MTMR7: variants seen among roughly 807,000 people sequenced by gnomAD.
MTMR7 encodes the protein phosphatidylinositol-3-phosphate phosphatase MTMR7.
Under a neutral mutation model 81.2 loss-of-function variants are expected in MTMR7, and 76 were observed. The ratio of observed to expected loss-of-function variants is 0.94; its 90% confidence interval spans 0.78 to 1.13. The LOEUF is 1.13. MTMR7 is among the 50% of genes most tolerant of loss of function. MTMR7 has a pLI of 0.00. For synonymous variants in MTMR7, 372 were observed against 289.8 expected, an observed-to-expected ratio of 1.28 and a Z score of -2.88; for missense variants, 1,044 against 820.0, an observed-to-expected ratio of 1.27 and a Z score of -3.34.
At chr8:17,332,318 C>T (rs887732808) in intron 6 of MTMR7, among the ~76,000 whole-genome samples, 1 of 152,162 alleles carries the variant, frequency 6.6e-6, no homozygotes. Context: ...TGTTCTTTGA[C>T]ACAGATCTCC....
intron 2 of MTMR7, among the ~76,000 whole-genome samples, chr8:17,372,837 T>C (rs1342595676): frequency 1.3e-5 from 2 of 152,120 alleles, no homozygotes; most frequent in Admixed American, 6.6e-5. Context: ...ACTGACATTA[T>C]TGAATCTCTC....
At chr8:17,317,341 G>A (rs925844770) in intron 7 of MTMR7, among the ~76,000 whole-genome samples, 8 of 152,176 alleles carry the variant, frequency 5.3e-5, no homozygotes, top group Non-Finnish European at 8.8e-5. Context: ...CTTTGTCTTC[G>A]ATGTTTGTAG....
intron 9 of MTMR7, among the ~76,000 whole-genome samples, chr8:17,309,862 T>C (rs1817688322): frequency 1.1e-4 from 16 of 152,184 alleles, no homozygotes; most frequent in Admixed American, 1.0e-3. Flanking sequence ...ATAAGAATTC[T>C]AAAATGATGG....
chr8:17,397,665 G>C (rs780199020), intron 1 of MTMR7, among the ~76,000 whole-genome samples: 1 of 152,190 alleles, frequency 6.6e-6, no homozygotes, highest in Non-Finnish European at 1.5e-5. Flanking sequence ...TGAAGGGAAG[G>C]ACACATGCCT....
chr8:17,412,679 A>T lies in MTMR7; in HGVS notation c.24+590T>A, dbSNP rs140809995. Among the ~76,000 whole-genome samples, 959 of 152,284 alleles carry T rather than the reference A, an allele frequency of 6.3e-3. 13 individuals carry two copies. The highest frequency in any genetic ancestry group is 0.017 in the Middle Eastern group (5 of 294). On this transcript the variant is annotated intron_variant, in intron 1 of 13. Coordinates refer to ENST00000180173, the MANE Select transcript of MTMR7 (RefSeq NM_004686.5). Reference sequence around the variant, plus strand: ...TCCTTTTCTCTAACGAACAAAACGGACTGGAAAAGGCAAGAACACACCATC... The same window carrying T: ...TCCTTTTCTCTAACGAACAAAACGGTCTGGAAAAGGCAAGAACACACCATC...
chr8:17,410,801 T>C (rs1455263684), intron 1 of MTMR7, among the ~76,000 whole-genome samples: 1 of 152,132 alleles, frequency 6.6e-6, no homozygotes, highest in African/African-American at 2.4e-5. Context: ...CTACAGCGAG[T>C]GAATGACTTC....
At chr8:17,310,038 C>G (rs1198123126) in intron 9 of MTMR7, among the ~76,000 whole-genome samples, 2 of 152,090 alleles carry the variant, frequency 1.3e-5, no homozygotes. Context: ...TCTCACTCAG[C>G]CACGTAGGCT....
chr8:17,305,213 G>A (rs749955482), intron 11 of MTMR7, among the ~76,000 whole-genome samples: 40 of 152,130 alleles, frequency 2.6e-4, no homozygotes, highest in Admixed American at 9.2e-4. Context: ...ATACACCATA[G>A]TTAAAACCAT....
intron 6 of MTMR7, among the ~76,000 whole-genome samples, chr8:17,331,631 T>A (rs1196413925): frequency 6.6e-6 from 1 of 152,308 alleles, no homozygotes; most frequent in Non-Finnish European, 1.5e-5. Flanking sequence ...ATACCACACA[T>A]AACCGGTAGG....
At chr8:17,349,382 A>G (rs1819658404) in intron 4 of MTMR7, 2 of 228,588 alleles carry the variant, frequency 8.7e-6, no homozygotes, top group South Asian at 2.2e-4. Context: ...TTCATCAAAA[A>G]GAGACAAACT....
In MTMR7 at chr8:17,305,648, T is replaced by A. The variant is rs1039834807; in HGVS notation, c.1352+109A>T. On this transcript the variant is annotated intron_variant, in intron 11 of 13. Coordinates refer to ENST00000180173, the MANE Select transcript of MTMR7 (RefSeq NM_004686.5). ...AATAAAACTAATCTGTCAGTATAGG[T>A]ATGTGACTAAATGAAAAAAGTCTTC... 5.1e-5 allele frequency: 44 copies of A among 862,018 alleles called. 1 individual carries two copies. Among genetic ancestry groups the A allele is most frequent in the South Asian group, 1.7e-5 (1 of 59,176 alleles). 53.4% of individuals were successfully genotyped at this position (862,018 alleles called of 1,614,324 possible). A position where few individuals can be genotyped will look rare whatever the true frequency, so the allele number is the denominator to read the frequency against.
rs1457774726 is a variant in MTMR7, at chr8:17,388,705, A to G, written c.25-15465T>C. ...GGGCAAGTTGTGCCAAATAGAACTTACTAACCAAAGGGAGGAGAAAGCCCA... is the reference window on the plus strand; with the variant it reads ...GGGCAAGTTGTGCCAAATAGAACTTGCTAACCAAAGGGAGGAGAAAGCCCA... On this transcript the variant is annotated intron_variant, in intron 1 of 13. Transcript: ENST00000180173. Among the ~76,000 whole-genome samples, 3 of 151,388 alleles carry G rather than the reference A, an allele frequency of 2.0e-5. No individual in the cohort carries two copies. The South Asian group carries it at 6.3e-4, about 32-fold the overall frequency.
intron 1 of MTMR7, among the ~76,000 whole-genome samples, chr8:17,405,577 G>A (rs1821554828): frequency 6.6e-6 from 1 of 152,010 alleles, no homozygotes. Context: ...AAATAAATAT[G>A]CCCTCTGCTA....
At chr8:17,401,187 G>C (rs191578295) in intron 1 of MTMR7, among the ~76,000 whole-genome samples, 1 of 152,226 alleles carries the variant, frequency 6.6e-6, no homozygotes, top group Non-Finnish European at 1.5e-5. Context: ...AAAGTATGTT[G>C]GTTGAGGTGA....
At chr8:17,362,434 T>C (rs1820087648) in intron 3 of MTMR7, among the ~76,000 whole-genome samples, 1 of 152,206 alleles carries the variant, frequency 6.6e-6, no homozygotes, top group African/African-American at 2.4e-5. Flanking sequence ...TTGTTCCAGA[T>C]TCTGTCGCAA....
chr8:17,310,068 A>C (rs1192502777), intron 9 of MTMR7, among the ~76,000 whole-genome samples: 2 of 152,248 alleles, frequency 1.3e-5, no homozygotes, highest in East Asian at 1.9e-4. Flanking sequence ...TGATGAGATC[A>C]TGGCTCACTA....
chr8:17,376,458 C>T (rs1486884460), intron 1 of MTMR7, among the ~76,000 whole-genome samples: 2 of 152,152 alleles, frequency 1.3e-5, no homozygotes, highest in Non-Finnish European at 2.9e-5. Flanking sequence ...TACTTAGGAG[C>T]AGAATTGCTG....
chr8:17,317,954 A>G (rs527726848), intron 7 of MTMR7, among the ~76,000 whole-genome samples: 71 of 151,472 alleles, frequency 4.7e-4, no homozygotes, highest in Middle Eastern at 3.4e-3. Flanking sequence ...AGTCAGGAGG[A>G]GGTGGGTAAG....
At chr8:17,314,320 A>G (rs1817947014) in intron 7 of MTMR7, among the ~76,000 whole-genome samples, 1 of 152,198 alleles carries the variant, frequency 6.6e-6, no homozygotes, top group African/African-American at 2.4e-5. Context: ...GTAAACACAC[A>G]TAGGGAAAAG....
Sources: gnomAD v4.1 joint callset for allele counts (sites outside exome capture counted in the v4.1 genomes callset) on GRCh38, gnomAD v4.1.1 for gene constraint, MANE v1.5 for transcripts, NCBI Gene and HGNC (gene_info 2026-07-23, HGNC 2026-07-21) for gene names.